Variants in PLCL2 observed in about 807,000 individuals in gnomAD.
PLCL2 encodes the protein phospholipase C like 2, also known as inactive phospholipase C-like protein 2.
A neutral mutation model predicts 79.6 loss-of-function variants in PLCL2; 4 were observed. That is an observed-to-expected ratio of 0.05 (90% CI 0.02 to 0.11). The LOEUF (loss-of-function observed/expected upper bound fraction) is 0.11. Ranked by LOEUF, PLCL2 falls within the 10% of genes least tolerant of loss-of-function variation. The probability of loss-of-function intolerance (pLI) is 1.00; values close to 1 mark genes in which losing one functional copy is unlikely to be tolerated. For synonymous variants in PLCL2, 484 were observed against 457.7 expected, an observed-to-expected ratio of 1.06 and a Z score of -0.73; for missense variants, 895 against 1,291.0, an observed-to-expected ratio of 0.69 and a Z score of 4.70.
At chr3:17,040,070 C>A (rs772476993) in intron 3 of PLCL2, among the ~76,000 whole-genome samples, 11 of 152,184 alleles carry the variant, frequency 7.2e-5, no homozygotes, top group Non-Finnish European at 1.2e-4. Flanking sequence ...TTTAGTTATT[C>A]TTTGTGCATC....
chr3:17,038,608 T>A (rs564178469), intron 3 of PLCL2, among the ~76,000 whole-genome samples: 2 of 152,244 alleles, frequency 1.3e-5, no homozygotes, highest in Admixed American at 6.5e-5. Context: ...ATATAAATTA[T>A]TTATTATTTA....
chr3:17,084,371 C>G (rs1214895441), intron 5 of PLCL2, among the ~76,000 whole-genome samples: 1 of 152,130 alleles, frequency 6.6e-6, no homozygotes, highest in Non-Finnish European at 1.5e-5. Flanking sequence ...AGAAATGATA[C>G]CAATTCTCTA....
chr3:16,920,125 T>C (rs1049679354), intron 1 of PLCL2, among the ~76,000 whole-genome samples: 1 of 152,176 alleles, frequency 6.6e-6, no homozygotes, highest in Non-Finnish European at 1.5e-5. Flanking sequence ...TTAATGGTAC[T>C]GTTTGTGTTT....
At chr3:16,961,659 A>G (rs1053912162) in intron 1 of PLCL2, among the ~76,000 whole-genome samples, 1 of 152,186 alleles carries the variant, frequency 6.6e-6, no homozygotes, top group Non-Finnish European at 1.5e-5. Context: ...TCCAACCAGA[A>G]TGGGACGCAG....
At chr3:16,921,633 A>G (rs1466735426) in intron 1 of PLCL2, among the ~76,000 whole-genome samples, 1 of 152,192 alleles carries the variant, frequency 6.6e-6, no homozygotes, top group Non-Finnish European at 1.5e-5. Flanking sequence ...TATTGCAACA[A>G]TGTGAAATAG....
At chr3:16,990,468 G>A (rs2124995152) in intron 1 of PLCL2, among the ~76,000 whole-genome samples, 1 of 152,344 alleles carries the variant, frequency 6.6e-6, no homozygotes, top group East Asian at 1.9e-4. Flanking sequence ...AGAGACCAAA[G>A]TGTTTGTAAG....
intron 1 of PLCL2, among the ~76,000 whole-genome samples, chr3:16,921,398 T>G (rs192545239): frequency 6.6e-6 from 1 of 152,330 alleles, no homozygotes; most frequent in African/African-American, 2.4e-5. Flanking sequence ...CTCCAGACAC[T>G]TTGAGAAAGT....
intron 3 of PLCL2, among the ~76,000 whole-genome samples, chr3:17,022,624 G>C (rs974959300): frequency 3.3e-5 from 5 of 152,196 alleles, no homozygotes; most frequent in African/African-American, 7.2e-5. Flanking sequence ...GAAGCACTTA[G>C]CTTCCTTATC....
intron 2 of PLCL2, 76 bp downstream of exon 2, chr3:17,012,236 T>C: frequency 7.8e-7 from 1 of 1,289,642 alleles, no homozygotes; most frequent in Non-Finnish European, 1.0e-6. Context: ...AATATATTGG[T>C]TTTTTAATAA....
intron 1 of PLCL2, 56 bp downstream of exon 1, chr3:16,885,422 T>C (rs1467397453): frequency 1.8e-6 from 1 of 551,564 alleles, no homozygotes; most frequent in East Asian, 3.4e-5. Flanking sequence ...GATTCTATTT[T>C]CTCCCTGGGG....
intron 1 of PLCL2, among the ~76,000 whole-genome samples, chr3:16,998,646 C>T (rs923768192): frequency 4.6e-5 from 7 of 152,178 alleles, no homozygotes; most frequent in African/African-American, 1.4e-4. Context: ...AATTTTATTG[C>T]AGTTTGCACT....
chr3:17,053,640 C>T (rs1468077051), intron 4 of PLCL2, among the ~76,000 whole-genome samples: 1 of 152,212 alleles, frequency 6.6e-6, no homozygotes, highest in Admixed American at 6.5e-5. Flanking sequence ...AAGTCCCTTC[C>T]ACCTATAAGC....
intron 1 of PLCL2, among the ~76,000 whole-genome samples, chr3:16,954,754 A>T (rs373540775): frequency 6.6e-6 from 1 of 151,786 alleles, no homozygotes; most frequent in Non-Finnish European, 1.5e-5. Flanking sequence ...TTGTGGTTTT[A>T]ATTTGCATTT....
At position 16,905,556 on chromosome 3, in the gene PLCL2, TA is replaced by T. The variant is rs553022799; in HGVS notation, c.327+20191del. Among the ~76,000 whole-genome samples the T allele has an allele frequency of 5.3e-3, 814 of 152,322 alleles. 10 individuals carry two copies. The highest frequency in any genetic ancestry group is 0.019 in the African/African-American group (779 of 41,564). ...TTTAAATGAGAGTGAGAAGTATAAT[TA>T]TTTACACAAATTTAAAATTTTCTAT... On this transcript the variant is annotated intron_variant, in intron 1 of 5. Transcript: ENST00000615277.
chr3:17,074,730 A>G (rs1223711886), intron 5 of PLCL2, among the ~76,000 whole-genome samples: 1 of 152,228 alleles, frequency 6.6e-6, no homozygotes, highest in African/African-American at 2.4e-5. Flanking sequence ...GCTGCTTCGC[A>G]TTGCACTTTG....
chr3:16,925,497 T>A (rs760039786), intron 1 of PLCL2, among the ~76,000 whole-genome samples: 18 of 152,202 alleles, frequency 1.2e-4, no homozygotes, highest in Non-Finnish European at 2.4e-4. Flanking sequence ...ACTATCTAAT[T>A]GCAGAACACT....
chr3:16,988,343 A>T (rs1439040892), intron 1 of PLCL2, among the ~76,000 whole-genome samples: 1 of 152,160 alleles, frequency 6.6e-6, no homozygotes, highest in East Asian at 1.9e-4. Flanking sequence ...GCACCCTTTC[A>T]TGTGAGTGCC....
intron 5 of PLCL2, among the ~76,000 whole-genome samples, chr3:17,079,638 C>T (rs925478244): frequency 6.6e-6 from 1 of 152,218 alleles, no homozygotes; most frequent in African/African-American, 2.4e-5. Flanking sequence ...GACACCGCCT[C>T]CTCCGTGGTG....
intron 1 of PLCL2, among the ~76,000 whole-genome samples, chr3:16,962,043 A>G (rs1356965384): frequency 6.6e-6 from 1 of 152,180 alleles, no homozygotes; most frequent in Admixed American, 6.5e-5. Flanking sequence ...TGAAAGATCC[A>G]ATATCCACAG....
Sources: gnomAD v4.1 joint callset for allele counts (sites outside exome capture counted in the v4.1 genomes callset) on GRCh38, gnomAD v4.1.1 for gene constraint, MANE v1.5 for transcripts, NCBI Gene and HGNC (gene_info 2026-07-23, HGNC 2026-07-21) for gene names.